The following ANKRD28 variants were observed in gnomAD, a reference collection of about 807,000 sequenced individuals.
The protein encoded by ANKRD28 is serine/threonine-protein phosphatase 6 regulatory ankyrin repeat subunit A.
ANKRD28 carries 44 observed loss-of-function variants against 126.5 expected under a neutral mutation model. The observed-to-expected ratio is 0.35, with a 90% CI of 0.27 to 0.45. The LOEUF is 0.45. Among genes scored for constraint, ANKRD28 ranks in the 20% least tolerant of loss-of-function variants. The probability of loss-of-function intolerance (pLI) is 1.00; values close to 1 mark genes in which losing one functional copy is unlikely to be tolerated. For missense variants in ANKRD28, 1,110 were observed against 1,316.6 expected (o/e 0.84, Z 2.43); for synonymous variants, 442 against 468.5 (o/e 0.94, Z 0.73).
At chr3:15,698,134 C>T (rs112680227) in intron 14 of ANKRD28, among the ~76,000 whole-genome samples, 8 of 151,906 alleles carry the variant, frequency 5.3e-5, no homozygotes, top group African/African-American at 1.7e-4. Context: ...GTCTTGCTAG[C>T]GGTCTGTCTG....
rs189089141 is a variant in ANKRD28, at chr3:15,833,461, A to C, written c.27+25916T>G. Among the ~76,000 whole-genome samples, 252 of 150,406 alleles carry C rather than the reference A, an allele frequency of 1.7e-3. 3 individuals are homozygous for C. Among genetic ancestry groups the C allele is most frequent in the Admixed American group, 0.016 (246 of 15,050 alleles). ...CTTGTGATCATGTGAGTTAATACTT[A>C]AACTCCCCTTCATATATATATAATA... On this transcript the variant is annotated intron_variant, in intron 1 of 27. Transcript: ENST00000399451. The surrounding 1 kb of genome is among the most constrained non-coding windows in gnomAD (Gnocchi z 4.4).
chr3:15,840,489 T>C (rs1201805996), intron 1 of ANKRD28, among the ~76,000 whole-genome samples: 4 of 152,012 alleles, frequency 2.6e-5, no homozygotes, highest in Non-Finnish European at 4.4e-5. Context: ...TTTAATGCAA[T>C]GCCAATGACA....
chr3:15,770,269 T>C (rs1420833562), intron 2 of ANKRD28, among the ~76,000 whole-genome samples: 1 of 152,080 alleles, frequency 6.6e-6, no homozygotes, highest in Non-Finnish European at 1.5e-5. Context: ...TTTGAAAACC[T>C]CTGTGGAACC....
intron 1 of ANKRD28, among the ~76,000 whole-genome samples, chr3:15,842,280 T>C (rs896218284): frequency 1.3e-5 from 2 of 152,014 alleles, no homozygotes; most frequent in African/African-American, 4.8e-5. Flanking sequence ...GGTAATTATG[T>C]TCAGTGAAAT....
chr3:15,692,745 T>C (rs1015204966), intron 17 of ANKRD28, among the ~76,000 whole-genome samples: 4 of 152,222 alleles, frequency 2.6e-5, no homozygotes, highest in African/African-American at 9.6e-5. Context: ...GGTGGTATAA[T>C]CATATTTCAT....
chr3:15,706,248 A>G (rs1028079988), intron 14 of ANKRD28, among the ~76,000 whole-genome samples: 1 of 147,498 alleles, frequency 6.8e-6, no homozygotes, highest in African/African-American at 2.5e-5. Context: ...CCTCCTCCCC[A>G]CCCCATGACA....
Position 15,714,603 on chromosome 3 carries a change from G to A in ANKRD28, c.1050C>T (p.Ser350=). Residue 350 remains serine (S), a synonymous_variant, in exon 9 of 28, where the codon TCC becomes TCT. Coordinates refer to ENST00000683139, the MANE Select transcript of ANKRD28 (RefSeq NM_001349278.2). ...LHMTALHGRF[S]RSQTIIQSGA... ...CACTCTGGATAATGGTTTGTGATCG[G>A]GAGAATCTACCGTGGAGAGCAGTCA... 6.3e-7 allele frequency: 1 copy of A among 1,597,428 alleles called. No individual in the cohort carries two copies. The highest frequency in any genetic ancestry group is 8.5e-7 in the Non-Finnish European group (1 of 1,174,926).
chr3:15,692,191 C>T (rs895174977), intron 17 of ANKRD28, among the ~76,000 whole-genome samples: 1 of 149,954 alleles, frequency 6.7e-6, no homozygotes, highest in Non-Finnish European at 1.5e-5. Context: ...GTCACTCACA[C>T]CTATATCTCA....
intron 1 of ANKRD28, among the ~76,000 whole-genome samples, chr3:15,855,275 T>C (rs2061740941): frequency 6.6e-6 from 1 of 152,098 alleles, no homozygotes; most frequent in Non-Finnish European, 1.5e-5. Context: ...TCCAAAATAG[T>C]GGTTAAGTTA....
intron 6 of ANKRD28, among the ~76,000 whole-genome samples, chr3:15,730,937 G>C (rs546311232): frequency 3.3e-5 from 5 of 151,974 alleles, no homozygotes; most frequent in Admixed American, 3.3e-4. Flanking sequence ...TCTTGGGATC[G>C]AGCTCCTTAA....
chr3:15,813,354 A>G (rs892675499), intron 1 of ANKRD28, among the ~76,000 whole-genome samples: 1 of 152,178 alleles, frequency 6.6e-6, no homozygotes, highest in African/African-American at 2.4e-5. Context: ...GGCAACAGTG[A>G]GACCTTGTTG....
chr3:15,815,440 G>A lies in ANKRD28; in HGVS notation c.28-20134C>T, dbSNP rs1332501652. ...GCCTCCTCAGTAGCTGCGACCACAGGCATGCATAACCTCACCCAGTTAATT... is the reference window on the plus strand; with the variant it reads ...GCCTCCTCAGTAGCTGCGACCACAGACATGCATAACCTCACCCAGTTAATT... On this transcript the variant is annotated intron_variant, in intron 1 of 27. Transcript: ENST00000399451. This position sits in a 1 kb window ranked among gnomAD's most constrained non-coding sequence, Gnocchi z 4.1. Among the ~76,000 whole-genome samples, 2 of 152,066 alleles carry A rather than the reference G, an allele frequency of 1.3e-5. No homozygotes were observed. Among genetic ancestry groups the A allele is most frequent in the Non-Finnish European group, 2.9e-5 (2 of 68,006 alleles).
intron 2 of ANKRD28, among the ~76,000 whole-genome samples, chr3:15,794,078 T>C (rs1285766688): frequency 1.3e-5 from 2 of 151,898 alleles, no homozygotes; most frequent in Non-Finnish European, 2.9e-5. Context: ...TCTAAATAAA[T>C]ACATACATAC....
chr3:15,690,329 T>C, intron 17 of ANKRD28, 109 bp from the exon 18 acceptor site: 3 of 912,360 alleles, frequency 3.3e-6, no homozygotes, highest in Non-Finnish European at 4.8e-6. Context: ...TTATCCTACT[T>C]GAGATAATCC....
Position 15,679,360 on chromosome 3 carries a change from A to T in ANKRD28, c.2502T>A (p.Ala834=). 2 of 1,613,730 alleles carry T rather than the reference A, an allele frequency of 1.2e-6. No homozygotes were observed. Among genetic ancestry groups the T allele is most frequent in the Non-Finnish European group, 1.7e-6 (2 of 1,179,656 alleles). ...CAVINDNEGA[A]EMLIDTLGAS... Reference sequence around the variant, plus strand: ...CACCTAATGTATCAATTAACATCTCAGCAGCACCTTCGTTGTCATTTATCC... The same window carrying T: ...CACCTAATGTATCAATTAACATCTCTGCAGCACCTTCGTTGTCATTTATCC... Residue 834 remains alanine (A), a synonymous_variant, in exon 23 of 28, where the codon GCT becomes GCA. Transcript: ENST00000683139.
At chr3:15,689,942 G>A in intron 18 of ANKRD28, 77 bp downstream of exon 18, 3 of 1,299,170 alleles carry the variant, frequency 2.3e-6, no homozygotes, top group Non-Finnish European at 3.1e-6. Flanking sequence ...CAATTAACTG[G>A]AAATATTATA....
At chr3:15,829,037 T>C (rs2061131838) in intron 1 of ANKRD28, among the ~76,000 whole-genome samples, 1 of 152,166 alleles carries the variant, frequency 6.6e-6, no homozygotes, top group Admixed American at 6.5e-5. Context: ...TAGAAGGCTG[T>C]TTTTAAAATT....
intron 18 of ANKRD28, among the ~76,000 whole-genome samples, chr3:15,688,068 T>C (rs888635707): frequency 1.3e-5 from 2 of 152,212 alleles, no homozygotes; most frequent in Non-Finnish European, 2.9e-5. Context: ...CCTGTGGTTC[T>C]TTTTGTGGGT....
chr3:15,741,718 T>C (rs1436263779), intron 4 of ANKRD28, among the ~76,000 whole-genome samples: 2 of 125,330 alleles, frequency 1.6e-5, no homozygotes, highest in African/African-American at 3.5e-5. Context: ...TTTTTTTTTT[T>C]TTTTTTTTTT....
Sources: gnomAD v4.1 joint callset for allele counts (sites outside exome capture counted in the v4.1 genomes callset) on GRCh38, gnomAD v4.1.1 for gene constraint, Gnocchi (gnomAD v3.1) non-coding constraint, MANE v1.5 for transcripts, NCBI Gene and HGNC (gene_info 2026-07-23, HGNC 2026-07-21) for gene names.